The following NRXN1 variants were observed in gnomAD, a reference collection of about 807,000 sequenced individuals.
The protein encoded by NRXN1 is neurexin 1.
Under a neutral mutation model 150.9 loss-of-function variants are expected in NRXN1, and 39 were observed. The ratio of observed to expected loss-of-function variants is 0.26; its 90% confidence interval spans 0.20 to 0.34. The LOEUF is 0.34. Among genes scored for constraint, NRXN1 ranks in the 10% least tolerant of loss-of-function variants. NRXN1 has a pLI of 1.00. For missense variants in NRXN1, 1,815 were observed against 1,949.9 expected (o/e 0.93, Z 1.30); for synonymous variants, 924 against 757.0 (o/e 1.22, Z -3.62).
intron 5 of NRXN1, among the ~76,000 whole-genome samples, chr2:50,702,007 C>G (rs1328754323): frequency 6.6e-6 from 1 of 152,044 alleles, no homozygotes; most frequent in African/African-American, 2.4e-5. Context: ...TCTTTACAAA[C>G]TAATGACTGA....
chr2:49,948,364 C>G (rs1257352357), intron 21 of NRXN1, among the ~76,000 whole-genome samples: 1 of 152,098 alleles, frequency 6.6e-6, no homozygotes, highest in Non-Finnish European at 1.5e-5. Flanking sequence ...TACAATGGTA[C>G]TTCCTATAGC....
chr2:49,946,279 G>C (rs1349946460), intron 21 of NRXN1, among the ~76,000 whole-genome samples: 1 of 152,084 alleles, frequency 6.6e-6, no homozygotes, highest in Non-Finnish European at 1.5e-5. Context: ...GTAGACTCTG[G>C]ATATTAGACC....
chr2:50,025,436 C>A (rs530728160), intron 21 of NRXN1, among the ~76,000 whole-genome samples: 1 of 152,032 alleles, frequency 6.6e-6, no homozygotes, highest in Admixed American at 6.6e-5. Flanking sequence ...ATGAATGGAA[C>A]TTATATTTAG....
intron 5 of NRXN1, among the ~76,000 whole-genome samples, chr2:50,728,006 C>G (rs967854972): frequency 2.6e-5 from 4 of 152,126 alleles, no homozygotes; most frequent in Admixed American, 6.6e-5. Flanking sequence ...TCACAACATA[C>G]TTATTATGGA....
chr2:50,612,802 C>G (rs893854969), intron 8 of NRXN1, among the ~76,000 whole-genome samples: 3 of 152,266 alleles, frequency 2.0e-5, no homozygotes, highest in East Asian at 3.9e-4. Flanking sequence ...CTGTTGAGGT[C>G]TCATGAGTTC....
intron 19 of NRXN1, among the ~76,000 whole-genome samples, chr2:50,079,499 G>A (rs1318470399): frequency 1.3e-5 from 2 of 151,960 alleles, no homozygotes; most frequent in East Asian, 3.9e-4. Context: ...TTTGCTCTAG[G>A]CGAATTTTCT....
intron 17 of NRXN1, among the ~76,000 whole-genome samples, chr2:50,363,203 A>C (rs192877939): frequency 6.6e-6 from 1 of 152,192 alleles, no homozygotes; most frequent in Non-Finnish European, 1.5e-5. Flanking sequence ...TGACTAAAAC[A>C]CCAAAAGCAA....
At chr2:50,468,016 C>G (rs374410898) in intron 16 of NRXN1, among the ~76,000 whole-genome samples, 1 of 151,416 alleles carries the variant, frequency 6.6e-6, no homozygotes, top group Non-Finnish European at 1.5e-5. Flanking sequence ...TAAAATCTCT[C>G]AAAGCAATAT....
chr2:50,149,284 A>G (rs1040985992), intron 18 of NRXN1, among the ~76,000 whole-genome samples: 2 of 151,728 alleles, frequency 1.3e-5, no homozygotes, highest in Admixed American at 1.3e-4. Context: ...AGAAATGGCT[A>G]AGCAAAAAAG....
intron 5 of NRXN1, among the ~76,000 whole-genome samples, chr2:50,875,669 A>AT (rs1303540834): frequency 6.6e-6 from 1 of 151,660 alleles, no homozygotes; most frequent in Non-Finnish European, 1.5e-5. Context: ...TCCCCATGGG[A>AT]TTTTCTTAGA....
At chr2:50,503,587 A>G (rs2092067458) in intron 13 of NRXN1, among the ~76,000 whole-genome samples, 1 of 152,098 alleles carries the variant, frequency 6.6e-6, no homozygotes, top group African/African-American at 2.4e-5. Context: ...AAAATAGGAA[A>G]GAAGGGAGAG....
chr2:50,533,329 A>G (rs2093168120), intron 10 of NRXN1, among the ~76,000 whole-genome samples: 2 of 152,170 alleles, frequency 1.3e-5, no homozygotes, highest in African/African-American at 2.4e-5. Flanking sequence ...TGAAATTTCA[A>G]TTGGAATATT....
chr2:50,622,482 T>C (rs980625345), intron 6 of NRXN1, among the ~76,000 whole-genome samples: 7 of 152,158 alleles, frequency 4.6e-5, no homozygotes, highest in African/African-American at 1.7e-4. Flanking sequence ...CTTAACAAAA[T>C]GATACACTGT....
chr2:50,857,219 G>T (rs908903545), intron 5 of NRXN1, among the ~76,000 whole-genome samples: 6 of 152,006 alleles, frequency 3.9e-5, no homozygotes, highest in African/African-American at 1.2e-4. Flanking sequence ...TCAATATTAA[G>T]AAAGGAGAGA....
chr2:50,463,254 C>T (rs905190226), intron 17 of NRXN1, among the ~76,000 whole-genome samples: 2 of 151,774 alleles, frequency 1.3e-5, no homozygotes, highest in Non-Finnish European at 3.0e-5. Context: ...ATTTCTATTG[C>T]TTATTAATTC....
chr2:50,796,469 C>T (rs1706847403), intron 5 of NRXN1, among the ~76,000 whole-genome samples: 1 of 152,144 alleles, frequency 6.6e-6, no homozygotes, highest in South Asian at 2.1e-4. Context: ...CTTCTCTCTA[C>T]TTCACCACTC....
intron 1 of NRXN1, among the ~76,000 whole-genome samples, chr2:51,030,339 T>G (rs1256864158): frequency 6.6e-6 from 1 of 151,602 alleles, no homozygotes; most frequent in Non-Finnish European, 1.5e-5. Context: ...CAATTAACAC[T>G]TTTTTTCCCT....
intron 18 of NRXN1, among the ~76,000 whole-genome samples, chr2:50,225,721 T>C (rs2064312454): frequency 6.6e-6 from 1 of 151,942 alleles, no homozygotes; most frequent in Non-Finnish European, 1.5e-5. Flanking sequence ...AGGTCTCTTT[T>C]TGCTGACTCT....
At chr2:50,741,161 T>C (rs1699374249) in intron 5 of NRXN1, among the ~76,000 whole-genome samples, 1 of 152,118 alleles carries the variant, frequency 6.6e-6, no homozygotes, top group South Asian at 2.1e-4. Flanking sequence ...TTTGGCTGTC[T>C]CTCCAAAATA....
Sources: allele counts gnomAD v4.1 joint callset (sites outside exome capture counted in the v4.1 genomes callset), GRCh38; gene constraint gnomAD v4.1.1; transcripts MANE v1.5; gene names NCBI Gene and HGNC (gene_info 2026-07-23, HGNC 2026-07-21).